The following FAM120B variants were observed in gnomAD, a reference collection of about 807,000 sequenced individuals.
The protein encoded by FAM120B is constitutive coactivator of peroxisome proliferator-activated receptor gamma.
In FAM120B, 83 loss-of-function variants were observed where a neutral mutation model predicts 96.3. That is an observed-to-expected ratio of 0.86 (90% CI 0.72 to 1.03). The LOEUF is 1.03. FAM120B is among the 50% of genes least tolerant of loss of function. The probability of loss-of-function intolerance (pLI) is 0.00; values close to 1 mark genes in which losing one functional copy is unlikely to be tolerated. For synonymous variants in FAM120B, 407 were observed against 402.7 expected, an observed-to-expected ratio of 1.01 and a Z score of -0.13; for missense variants, 1,027 against 1,121.2, an observed-to-expected ratio of 0.92 and a Z score of 1.20.
chr6:170,376,736 G>A (rs1239022535), intron 6 of FAM120B, among the ~76,000 whole-genome samples: 2 of 152,224 alleles, frequency 1.3e-5, no homozygotes, highest in Admixed American at 6.5e-5. Flanking sequence ...TGAGGCGTTC[G>A]AATGTGAACC....
intron 9 of FAM120B, among the ~76,000 whole-genome samples, chr6:170,403,733 G>A (rs1183720746): frequency 6.6e-6 from 1 of 152,210 alleles, no homozygotes; most frequent in Non-Finnish European, 1.5e-5. Context: ...CAATTTGCCT[G>A]TGATTTTCCA....
chr6:170,406,837 T>A lies in FAM120B; in HGVS notation c.*2086T>A, dbSNP rs954676777. 3 of 152,204 alleles carry A rather than the reference T, an allele frequency of 2.0e-5. No homozygotes were observed. Among genetic ancestry groups the A allele is most frequent in the African/African-American group, 7.2e-5 (3 of 41,448 alleles). The allele number at this position is 152,204 out of a possible 1,614,324, so 9.4% of individuals were successfully genotyped here. ...GAGAGTGGGTGTCTGTGAAAATTGT[T>A]TTCTCCTTCATAATACCTAAATTCT... On this transcript the variant is annotated 3_prime_UTR_variant, in exon 11 of 11. Transcript: ENST00000476287.
chr6:170,375,941 A>G (rs1789485228), intron 6 of FAM120B, among the ~76,000 whole-genome samples: 2 of 152,146 alleles, frequency 1.3e-5, no homozygotes, highest in South Asian at 4.1e-4. Context: ...GAGAGCATAG[A>G]AATTCCCTGG....
chr6:170,361,198 GTATATATATA>G (rs71010657), intron 6 of FAM120B, among the ~76,000 whole-genome samples: 5,066 of 66,016 alleles, frequency 0.077, 269 homozygotes, highest in Non-Finnish European at 0.11. Flanking sequence ...ATATATACGT[GTATATATATA>G]TATATATATA....
At position 170,363,577 on chromosome 6, in the gene FAM120B, A is replaced by C. The variant is rs1788596680; in HGVS notation, c.2283+5259A>C. On this transcript the variant is annotated intron_variant, in intron 6 of 10. Coordinates refer to ENST00000476287, the MANE Select transcript of FAM120B (RefSeq NM_032448.3). The surrounding 1 kb of genome is among the most constrained non-coding windows in gnomAD (Gnocchi z 4.5). ...TCTATGCCAGTAGCAGCTTTTAGTG[A>C]AAATACAGGTCCCAGGCAAGGCCTG... 6.6e-6 allele frequency among the ~76,000 whole-genome samples: 1 copy of C among 152,264 alleles called. No homozygotes were observed. The highest frequency in any genetic ancestry group is 1.5e-5 in the Non-Finnish European group (1 of 68,048).
At chr6:170,338,600 A>G (rs773386808) in intron 4 of FAM120B, among the ~76,000 whole-genome samples, 11 of 151,916 alleles carry the variant, frequency 7.2e-5, no homozygotes, top group Non-Finnish European at 1.6e-4. Flanking sequence ...TGTCTCGTTG[A>G]TCTAATATTG....
Position 170,406,210 on chromosome 6 carries a change from C to T in FAM120B, c.*1459C>T, listed in dbSNP as rs568671559. 9.2e-5 allele frequency: 14 copies of T among 152,310 alleles called. No individual in the cohort carries two copies. The highest frequency in any genetic ancestry group is 3.4e-4 in the African/African-American group (14 of 41,560). 9.4% of individuals were successfully genotyped at this position (152,310 alleles called of 1,614,324 possible). On this transcript the variant is annotated 3_prime_UTR_variant, in exon 11 of 11. Coordinates refer to ENST00000476287, the MANE Select transcript of FAM120B (RefSeq NM_032448.3). The stretch of plus-strand genomic sequence containing the variant: ...GTGGGCAGCCGTCTTCCAGAAACCT[C>T]GAACTTATGTCTGTCTCCACCTGAG...
At chr6:170,403,120 A>G (rs899795244) in intron 9 of FAM120B, among the ~76,000 whole-genome samples, 2 of 152,244 alleles carry the variant, frequency 1.3e-5, no homozygotes, top group Admixed American at 1.3e-4. Context: ...CAAGGATGCT[A>G]TATTTCATTT....
chr6:170,313,327 A>T (rs187617535), intron 1 of FAM120B, among the ~76,000 whole-genome samples: 34 of 152,310 alleles, frequency 2.2e-4, no homozygotes, highest in African/African-American at 6.7e-4. Flanking sequence ...AGGAGAGAAG[A>T]AAAAATAGAC....
At chr6:170,359,550 G>A (rs547456826) in intron 6 of FAM120B, among the ~76,000 whole-genome samples, 16 of 152,154 alleles carry the variant, frequency 1.1e-4, no homozygotes, top group African/African-American at 3.9e-4. Flanking sequence ...TGGGTAGCTG[G>A]GACCACAGGC....
intron 3 of FAM120B, among the ~76,000 whole-genome samples, chr6:170,324,541 A>T (rs965569750): frequency 1.3e-5 from 2 of 152,272 alleles, no homozygotes; most frequent in African/African-American, 4.8e-5. Context: ...GATCTTCCTC[A>T]TGAAAACATT....
chr6:170,347,828 G>T (rs1787294370), intron 4 of FAM120B, among the ~76,000 whole-genome samples: 1 of 152,320 alleles, frequency 6.6e-6, no homozygotes, highest in South Asian at 2.1e-4. Context: ...CTGTGATACT[G>T]CAGGGCGGCA....
upstream of FAM120B, among the ~76,000 whole-genome samples, chr6:170,304,691 G>T (rs973601496): frequency 1.3e-5 from 2 of 152,024 alleles, no homozygotes; most frequent in Admixed American, 1.3e-4. Context: ...CCCTCAGCAT[G>T]AACCTCCTGC....
At chr6:170,329,449 C>T (rs1785847207) in intron 3 of FAM120B, among the ~76,000 whole-genome samples, 1 of 152,172 alleles carries the variant, frequency 6.6e-6, no homozygotes, top group African/African-American at 2.4e-5. Flanking sequence ...TGGCTCTGCC[C>T]TTTCACAAAC....
intron 2 of FAM120B, 62 bp from the exon 3 acceptor site, chr6:170,323,017 C>A (rs944467260): frequency 7.1e-7 from 1 of 1,404,704 alleles, no homozygotes; most frequent in Admixed American, 2.4e-5. Flanking sequence ...TTGACTTTTT[C>A]TATTTGAAGG....
intron 4 of FAM120B, 83 bp downstream of exon 4, chr6:170,330,633 A>G: frequency 3.9e-6 from 4 of 1,016,294 alleles, no homozygotes; most frequent in Non-Finnish European, 6.0e-6. Flanking sequence ...TATGGAAAGC[A>G]TCTTTTACCA....
At chr6:170,341,276 A>G (rs892698840) in intron 4 of FAM120B, among the ~76,000 whole-genome samples, 3 of 152,044 alleles carry the variant, frequency 2.0e-5, no homozygotes, top group African/African-American at 7.3e-5. Flanking sequence ...CCCAGTCCAA[A>G]CTTCCTGGCC....
chr6:170,322,304 C>G (rs140097534), intron 2 of FAM120B, among the ~76,000 whole-genome samples: 4 of 152,162 alleles, frequency 2.6e-5, no homozygotes, highest in African/African-American at 9.7e-5. Flanking sequence ...GGGAGGCAGA[C>G]CAGACAGCTG....
intron 3 of FAM120B, among the ~76,000 whole-genome samples, chr6:170,328,417 T>A (rs1785749930): frequency 6.6e-6 from 1 of 152,214 alleles, no homozygotes. Flanking sequence ...CTGTATTTCA[T>A]CTTTCTTTGG....
Sources: allele counts gnomAD v4.1 joint callset (sites outside exome capture counted in the v4.1 genomes callset), GRCh38; gene constraint gnomAD v4.1.1; non-coding constraint Gnocchi (gnomAD v3.1); transcripts MANE v1.5; gene names NCBI Gene and HGNC (gene_info 2026-07-23, HGNC 2026-07-21).